DRAP1: variants seen among roughly 807,000 people sequenced by gnomAD.
DRAP1 encodes the protein dr1-associated corepressor.
DRAP1 carries 10 observed loss-of-function variants against 24.1 expected under a neutral mutation model. The observed-to-expected ratio is 0.41, with a 90% CI of 0.26 to 0.70. The LOEUF is 0.70. Among genes scored for constraint, DRAP1 ranks in the 30% least tolerant of loss-of-function variants. DRAP1 has a pLI of 0.29. For missense variants in DRAP1, 264 were observed against 275.6 expected, an observed-to-expected ratio of 0.96 and a Z score of 0.30; for synonymous variants, 122 against 113.8, an observed-to-expected ratio of 1.07 and a Z score of -0.46.
intron 3 of DRAP1, 54 bp downstream of exon 3, chr11:65,920,095 C>T: frequency 1.3e-6 from 2 of 1,586,068 alleles, no homozygotes; most frequent in Non-Finnish European, 1.7e-6. Context: ...GGAGTTCACA[C>T]ACTGAGGAAG....
Position 65,920,891 on chromosome 11 carries a change from C to G in DRAP1, c.431C>G (p.Ser144Cys), listed in dbSNP as rs781110835. The G allele has an allele frequency of 7.4e-6, 12 of 1,612,656 alleles. No individual in the cohort carries two copies. The highest frequency in any genetic ancestry group is 1.0e-5 in the Non-Finnish European group (12 of 1,179,280). The change falls in exon 6 of 7, where the codon TCT becomes TGT. Residue 144 changes from serine (S) to cysteine (C), a missense_variant. Around this residue, in one of 2 missense-constraint regions of DRAP1, gnomAD observed 243 missense variants for 233.6 expected, o/e 1.04. Coordinates refer to ENST00000312515, the MANE Select transcript of DRAP1 (RefSeq NM_006442.4). Reference protein sequence around the residue: ...SGTDSEQEDESEDTDTDGEEE... With the variant: ...SGTDSEQEDECEDTDTDGEEE... The stretch of plus-strand genomic sequence containing the variant: ...CCTCTGCGGTGCTCACAGGATGAAT[C>G]TGAGGACACAGATACTGATGGGGAA...
At position 65,919,976 on chromosome 11, in the gene DRAP1, G is replaced by A; in HGVS notation, c.144G>A (p.Ser48=). ...ISRALELFLE[S]LLKKACQVTQ... is the part of the protein sequence containing the mutation. The stretch of plus-strand genomic sequence containing the variant: ...GGGCGCTCGAGCTCTTCCTAGAGTC[G>A]CTGTTGAAGAAGGCCTGCCAGGTGA... Residue 48 remains serine, a synonymous_variant, in exon 3 of 7, where the codon TCG becomes TCA. Coordinates refer to ENST00000312515, the MANE Select transcript of DRAP1 (RefSeq NM_006442.4). 5.6e-6 allele frequency: 9 copies of A among 1,613,878 alleles called. No individual in the cohort carries two copies. Among genetic ancestry groups the A allele is most frequent in the Non-Finnish European group, 7.6e-6 (9 of 1,179,954 alleles).
chr11:65,921,098 G>C (rs374197587), intron 6 of DRAP1, 126 bp downstream of exon 6: 3 of 758,086 alleles, frequency 4.0e-6, no homozygotes, highest in Non-Finnish European at 6.3e-6. Context: ...GAGAATAACT[G>C]AGGAGGGCTT....
At chr11:65,919,690 C>T in intron 1 of DRAP1, 90 bp from the exon 2 acceptor site, 1 of 1,556,342 alleles carries the variant, frequency 6.4e-7, no homozygotes, top group Non-Finnish European at 8.7e-7. Flanking sequence ...GTGTCCCCCG[C>T]CCCCTTTCTC....
At chr11:65,920,143 G>C in intron 3 of DRAP1, 102 bp downstream of exon 3, 1 of 1,479,614 alleles carries the variant, frequency 6.8e-7, no homozygotes, top group Admixed American at 2.0e-5. Context: ...GCGGCAGCCG[G>C]GACACCAGCA....
chr11:65,920,057 C>A lies in DRAP1; in HGVS notation c.209+16C>A, dbSNP rs202119315. 2,632 of 1,610,264 alleles carry A rather than the reference C, an allele frequency of 1.6e-3. 31 individuals are homozygous for A. In the African/African-American group the frequency reaches 0.03, roughly 19 times the overall value. The stretch of plus-strand genomic sequence containing the variant: ...CATCCCACCTGTGAGCGGCGAGGAG[C>A]CGGGAGGGGCCGGCGGGTTTGGCGC... On this transcript the variant is annotated intron_variant, in intron 3 of 6. Transcript: ENST00000312515.
chr11:65,920,540 C>T lies in DRAP1; in HGVS notation c.330-29C>T, dbSNP rs557603164. 8.2e-5 allele frequency: 131 copies of T among 1,607,254 alleles called. No individual in the cohort carries two copies. In the South Asian group the frequency reaches 1.3e-3, roughly 16 times the overall value. ...GGGTGGCCAAGGAGTAGGGAGCACTCCGGGCAGATGGACTGTACCTTCCCA... is the reference window on the plus strand; with the variant it reads ...GGGTGGCCAAGGAGTAGGGAGCACTTCGGGCAGATGGACTGTACCTTCCCA... On this transcript the variant is annotated intron_variant, in intron 4 of 6. Coordinates refer to ENST00000312515, the MANE Select transcript of DRAP1 (RefSeq NM_006442.4).
At chr11:65,920,499 A>C in intron 4 of DRAP1, 37 bp downstream of exon 4, 1 of 1,613,054 alleles carries the variant, frequency 6.2e-7, no homozygotes, top group Non-Finnish European at 8.5e-7. Flanking sequence ...GGGAAGGCCA[A>C]GGCCACAGGG....
chr11:65,920,166 G>A lies in DRAP1; in HGVS notation c.209+125G>A, dbSNP rs547932379. 2.0e-5 allele frequency: 28 copies of A among 1,425,554 alleles called. No individual in the cohort carries two copies. The South Asian group carries it at 3.5e-4, about 18-fold the overall frequency. 88.3% of individuals were successfully genotyped at this position (1,425,554 alleles called of 1,614,324 possible). ...CGGGACACCAGCAAGGCCACAGACT[G>A]GCAGAGGAGAGGCTGGGCTTCCAGG... On this transcript the variant is annotated intron_variant, in intron 3 of 6. Coordinates refer to ENST00000312515, the MANE Select transcript of DRAP1 (RefSeq NM_006442.4).
intron 1 of DRAP1, 51 bp from the exon 2 acceptor site, chr11:65,919,729 C>G: frequency 6.2e-7 from 1 of 1,609,298 alleles, no homozygotes; most frequent in Non-Finnish European, 8.5e-7. Flanking sequence ...CCCCAGCACC[C>G]CCTTAGGGGA....
rs1424512603 is a variant in DRAP1, at chr11:65,919,865, G to T, written c.115+13G>T. On this transcript the variant is annotated intron_variant, in intron 2 of 6. Coordinates refer to ENST00000312515, the MANE Select transcript of DRAP1 (RefSeq NM_006442.4). ...CCTGTCATCATCTGTATCCTGCCGG[G>T]GGCGGACCGGGTCGAGGGGCGTGGG... The T allele has an allele frequency of 1.9e-6, 3 of 1,613,120 alleles. No homozygotes were observed. The highest frequency in any genetic ancestry group is 2.2e-5 in the East Asian group (1 of 44,896).
chr11:65,920,017 C>T lies in DRAP1; in HGVS notation c.185C>T (p.Ala62Val). The T allele has an allele frequency of 6.2e-7, 1 of 1,613,618 alleles. No homozygotes were observed. Among genetic ancestry groups the T allele is most frequent in the Non-Finnish European group, 8.5e-7 (1 of 1,179,914 alleles). The change falls in exon 3 of 7, where the codon GCG becomes GTG. Residue 62 changes from alanine to valine, a missense_variant. Ala to Val is a moderately conservative substitution (Grantham distance 64). Around this residue, in one of 2 missense-constraint regions of DRAP1, gnomAD observed 243 missense variants for 233.6 expected, o/e 1.04. Coordinates refer to ENST00000312515, the MANE Select transcript of DRAP1 (RefSeq NM_006442.4). ...KACQVTQSRN[A>V]KTMTTSHLKQ... ...TGCCAGGTGACCCAGTCGCGGAACG[C>T]GAAGACCATGACCACATCCCACCTG...
intron 3 of DRAP1, 118 bp from the exon 4 acceptor site, chr11:65,920,225 C>G: frequency 6.6e-7 from 1 of 1,524,006 alleles, no homozygotes. Context: ...CAGGGCAGGC[C>G]CGGGAGCGGA....
intron 6 of DRAP1, 108 bp downstream of exon 6, chr11:65,921,080 G>T: frequency 1.2e-6 from 1 of 856,964 alleles, no homozygotes. Context: ...AGATTTGTGG[G>T]GTGGAAGGAG....
intron 1 of DRAP1, 112 bp from the exon 2 acceptor site, chr11:65,919,668 C>T (rs1375704323): frequency 2.0e-6 from 3 of 1,522,652 alleles, no homozygotes; most frequent in Non-Finnish European, 8.9e-7. Flanking sequence ...CCTCCATGCC[C>T]TCCCCGCGTC....
At chr11:65,920,684 C>T (rs1301914383) in intron 5 of DRAP1, 22 bp downstream of exon 5, 3 of 1,469,854 alleles carry the variant, frequency 2.0e-6, no homozygotes, top group African/African-American at 1.4e-5. Context: ...CCCAGCCCTT[C>T]GCCCTGCCCT....
intron 5 of DRAP1, 103 bp downstream of exon 5, chr11:65,920,765 C>A: frequency 6.9e-7 from 1 of 1,449,378 alleles, no homozygotes; most frequent in Admixed American, 2.5e-5. Context: ...TTTCTGCAAC[C>A]TGTTTGCTCA....
In DRAP1 at chr11:65,919,862, C is replaced by T. The variant is rs377496425; in HGVS notation, c.115+10C>T. On this transcript the variant is annotated intron_variant, in intron 2 of 6. Coordinates refer to ENST00000312515, the MANE Select transcript of DRAP1 (RefSeq NM_006442.4). Reference sequence around the variant, plus strand: ...GTGCCTGTCATCATCTGTATCCTGCCGGGGGCGGACCGGGTCGAGGGGCGT... The same window carrying T: ...GTGCCTGTCATCATCTGTATCCTGCTGGGGGCGGACCGGGTCGAGGGGCGT... 7.4e-6 allele frequency: 12 copies of T among 1,613,100 alleles called. No homozygotes were observed. Among genetic ancestry groups the T allele is most frequent in the South Asian group, 1.1e-5 (1 of 91,078 alleles).
chr11:65,919,732 T>C (rs1160104722), intron 1 of DRAP1, 48 bp from the exon 2 acceptor site: 20 of 1,609,006 alleles, frequency 1.2e-5, no homozygotes, highest in Non-Finnish European at 1.7e-5. Context: ...CAGCACCCCC[T>C]TAGGGGACGG....
Sources: allele counts gnomAD v4.1 joint callset, GRCh38; gene constraint gnomAD v4.1.1; regional missense constraint gnomAD v4.1.1; transcripts MANE v1.5; gene names NCBI Gene and HGNC (gene_info 2026-07-23, HGNC 2026-07-21).